Variants in COX7B2 observed in about 807,000 individuals in gnomAD.
The protein encoded by COX7B2 is cytochrome c oxidase subunit 7B2, also known as cytochrome c oxidase subunit 7B2, mitochondrial.
For synonymous variants in COX7B2, 37 were observed against 32.1 expected, an observed-to-expected ratio of 1.15 and a Z score of -0.51; for missense variants, 109 against 95.9, an observed-to-expected ratio of 1.14 and a Z score of -0.57.
At chr4:46,831,186 G>A (rs907855701) in intron 2 of COX7B2, among the ~76,000 whole-genome samples, 5 of 152,154 alleles carry the variant, frequency 3.3e-5, no homozygotes, top group Non-Finnish European at 5.9e-5. Context: ...CCCCAGGCCA[G>A]CAGCTGCGGA....
At chr4:46,799,551 A>G (rs1577719012) in intron 2 of COX7B2, among the ~76,000 whole-genome samples, 2 of 152,256 alleles carry the variant, frequency 1.3e-5, no homozygotes, top group East Asian at 3.9e-4. Flanking sequence ...GTTTGTTGAG[A>G]GTTTATAATA....
At chr4:46,886,745 A>C (rs1292384747) in intron 1 of COX7B2, among the ~76,000 whole-genome samples, 1 of 152,236 alleles carries the variant, frequency 6.6e-6, no homozygotes, top group Non-Finnish European at 1.5e-5. Flanking sequence ...GTAACTAAAC[A>C]TGAATTTTTT....
chr4:46,804,299 G>A (rs574101908), intron 2 of COX7B2, among the ~76,000 whole-genome samples: 13 of 152,290 alleles, frequency 8.5e-5, no homozygotes, highest in East Asian at 1.9e-4. Flanking sequence ...AAGCTTCCAC[G>A]GTACGGAAAG....
chr4:46,855,768 C>G (rs1716974799), intron 1 of COX7B2, among the ~76,000 whole-genome samples: 1 of 152,018 alleles, frequency 6.6e-6, no homozygotes, highest in Non-Finnish European at 1.5e-5. Flanking sequence ...GATCATTTTT[C>G]ATTCAGACAG....
chr4:46,890,578 GCTA>G (rs896130072), intron 1 of COX7B2, among the ~76,000 whole-genome samples: 7 of 152,188 alleles, frequency 4.6e-5, no homozygotes, highest in African/African-American at 1.7e-4. Flanking sequence ...GAGAAAGGAT[GCTA>G]CTTTCAGCAA....
chr4:46,765,369 C>T (rs1716468470), intron 2 of COX7B2, among the ~76,000 whole-genome samples: 2 of 152,160 alleles, frequency 1.3e-5, no homozygotes. Context: ...TGGACGCTAG[C>T]AGCATGTGTA....
chr4:46,759,626 C>T (rs1366469058), intron 2 of COX7B2, among the ~76,000 whole-genome samples: 4 of 151,848 alleles, frequency 2.6e-5, no homozygotes, highest in Non-Finnish European at 5.9e-5. Context: ...CAGAGAAATG[C>T]AAATCAAAAC....
At chr4:46,767,497 C>A (rs1005244894) in intron 2 of COX7B2, among the ~76,000 whole-genome samples, 9 of 152,020 alleles carry the variant, frequency 5.9e-5, no homozygotes, top group African/African-American at 2.2e-4. Context: ...ATATTATAGA[C>A]CATATAAACT....
chr4:46,814,278 A>G (rs914235291), intron 2 of COX7B2, among the ~76,000 whole-genome samples: 3 of 152,244 alleles, frequency 2.0e-5, no homozygotes, highest in African/African-American at 4.8e-5. Context: ...GATTTCAGAA[A>G]TAGACTTCCA....
chr4:46,861,255 T>G (rs1323071576), intron 1 of COX7B2, among the ~76,000 whole-genome samples: 2 of 152,144 alleles, frequency 1.3e-5, no homozygotes, highest in Non-Finnish European at 2.9e-5. Context: ...CAGTTATCAC[T>G]CCACTGCCCA....
intron 2 of COX7B2, among the ~76,000 whole-genome samples, chr4:46,826,124 A>G (rs1011846830): frequency 6.6e-6 from 1 of 152,174 alleles, no homozygotes; most frequent in Non-Finnish European, 1.5e-5. Flanking sequence ...ATTGCAAACT[A>G]TGCATCTGAC....
chr4:46,885,132 T>A (rs1718998584), intron 1 of COX7B2, among the ~76,000 whole-genome samples: 2 of 152,136 alleles, frequency 1.3e-5, no homozygotes, highest in Non-Finnish European at 2.9e-5. Flanking sequence ...ATTATTTTCA[T>A]TATTATTACA....
intron 2 of COX7B2, among the ~76,000 whole-genome samples, chr4:46,841,230 T>C (rs1715902931): frequency 6.6e-6 from 1 of 151,854 alleles, no homozygotes. Flanking sequence ...GGAATCCAGT[T>C]AGGAAACTAT....
At chr4:46,899,123 A>G (rs1184661431) in intron 1 of COX7B2, among the ~76,000 whole-genome samples, 1 of 152,146 alleles carries the variant, frequency 6.6e-6, no homozygotes, top group Non-Finnish European at 1.5e-5. Flanking sequence ...CCAACTCATT[A>G]TCCTTCTCCT....
intron 1 of COX7B2, among the ~76,000 whole-genome samples, chr4:46,898,244 C>T (rs1178750158): frequency 4.6e-5 from 7 of 152,158 alleles, no homozygotes; most frequent in African/African-American, 9.7e-5. Context: ...CAAGCTATCT[C>T]GGAATTAATT....
At chr4:46,869,901 TG>T (rs1717880521) in intron 1 of COX7B2, among the ~76,000 whole-genome samples, 1 of 152,158 alleles carries the variant, frequency 6.6e-6, no homozygotes, top group African/African-American at 2.4e-5. Flanking sequence ...CTGTATTTCC[TG>T]AATTTGACTG....
intron 2 of COX7B2, among the ~76,000 whole-genome samples, chr4:46,809,117 A>C (rs1018047272): frequency 1.3e-5 from 2 of 151,786 alleles, no homozygotes; most frequent in African/African-American, 4.8e-5. Flanking sequence ...AATTGTTCGT[A>C]ATAGTTCCTT....
At chr4:46,804,342 C>G (rs534323533) in intron 2 of COX7B2, among the ~76,000 whole-genome samples, 1 of 152,312 alleles carries the variant, frequency 6.6e-6, no homozygotes, top group East Asian at 1.9e-4. Context: ...CTGGCTCTGG[C>G]AGCCTGCTTT....
At chr4:46,815,845 A>G (rs899538805) in intron 2 of COX7B2, among the ~76,000 whole-genome samples, 1 of 152,212 alleles carries the variant, frequency 6.6e-6, no homozygotes, top group African/African-American at 2.4e-5. Context: ...TCTAATACAG[A>G]TTAATTGTCT....
Sources: allele counts gnomAD v4.1 joint callset (sites outside exome capture counted in the v4.1 genomes callset), GRCh38; gene constraint gnomAD v4.1.1; transcripts MANE v1.5; gene names NCBI Gene and HGNC (gene_info 2026-07-23, HGNC 2026-07-21).